The following TMEM135 variants were observed in gnomAD, a reference collection of about 807,000 sequenced individuals.
TMEM135 encodes peroxisomal membrane protein 52.
TMEM135 carries 30 observed loss-of-function variants against 60.3 expected under a neutral mutation model. The observed-to-expected ratio is 0.50, with a 90% confidence interval of 0.37 to 0.68. TMEM135 has a LOEUF of 0.68. Among genes scored for constraint, TMEM135 ranks in the 30% least tolerant of loss-of-function variants. TMEM135 has a pLI of 0.00. For missense variants in TMEM135, 468 were observed against 548.8 expected, an observed-to-expected ratio of 0.85 and a Z score of 1.47; for synonymous variants, 190 against 186.7, an observed-to-expected ratio of 1.02 and a Z score of -0.14.
At chr11:87,230,423 C>A (rs1940866093) in intron 5 of TMEM135, among the ~76,000 whole-genome samples, 1 of 151,970 alleles carries the variant, frequency 6.6e-6, no homozygotes, top group Non-Finnish European at 1.5e-5. Context: ...GAAATTTTTT[C>A]AAGTTAAAAA....
At chr11:87,158,483 A>G (rs1176947959) in intron 5 of TMEM135, among the ~76,000 whole-genome samples, 1 of 145,142 alleles carries the variant, frequency 6.9e-6, no homozygotes, top group African/African-American at 2.6e-5. Context: ...TTTTTTTGAG[A>G]CAGAGTCTCA....
rs111462945 is a variant in TMEM135, at chr11:87,325,396, A to AT, written c.*4067dup. 2.4e-5 allele frequency: 11 copies of AT among 453,928 alleles called. 1 individual carries two copies. Among genetic ancestry groups the AT allele is most frequent in the African/African-American group, 4.0e-5 (2 of 49,976 alleles). 28.1% of individuals were successfully genotyped at this position (453,928 alleles called of 1,614,324 possible). A position where few individuals can be genotyped will look rare whatever the true frequency, so the allele number is the denominator to read the frequency against. ...GCTGTGGTGAATAAGAATGTGTGCT[A>AT]TTTTACACACAGAAGAAAATGATTG... On this transcript the variant is annotated 3_prime_UTR_variant, in exon 15 of 15. Transcript: ENST00000305494.
At chr11:87,284,654 AT>A (rs1256659092) in intron 6 of TMEM135, among the ~76,000 whole-genome samples, 3 of 152,234 alleles carry the variant, frequency 2.0e-5, no homozygotes, top group Non-Finnish European at 4.4e-5. Context: ...ACTGTGAAAT[AT>A]TTATCAGAAT....
Position 87,325,493 on chromosome 11 carries a change from T to TC in TMEM135, c.*4161dup. 2.2e-6 allele frequency: 1 copy of TC among 453,770 alleles called. No homozygotes were observed. Among genetic ancestry groups the TC allele is most frequent in the East Asian group, 7.0e-5 (1 of 14,380 alleles). 28.1% of individuals were successfully genotyped at this position (453,770 alleles called of 1,614,324 possible). ...TTCTGTTGCTGTTTTATGTGGGCTC[T>TC]CTCTCTCTCCCTCTCTCTCTCTCTC... On this transcript the variant is annotated 3_prime_UTR_variant, in exon 15 of 15. Coordinates refer to ENST00000305494, the MANE Select transcript of TMEM135 (RefSeq NM_022918.4).
At chr11:87,069,384 G>T (rs929664000) in intron 2 of TMEM135, among the ~76,000 whole-genome samples, 5 of 149,050 alleles carry the variant, frequency 3.4e-5, no homozygotes, top group African/African-American at 7.4e-5. Flanking sequence ...GCATCTTTAT[G>T]TTCTATGAAC....
chr11:87,208,755 A>G (rs567222950), intron 5 of TMEM135, among the ~76,000 whole-genome samples: 3 of 152,348 alleles, frequency 2.0e-5, no homozygotes, highest in East Asian at 1.9e-4. Context: ...TCTCCAAGAC[A>G]TATAGTCATC....
At chr11:87,262,244 A>G (rs764356728) in intron 6 of TMEM135, among the ~76,000 whole-genome samples, 2 of 152,130 alleles carry the variant, frequency 1.3e-5, no homozygotes, top group African/African-American at 2.4e-5. Context: ...TATATTATTG[A>G]TAGGTTAGAT....
intron 6 of TMEM135, among the ~76,000 whole-genome samples, chr11:87,241,629 A>C (rs778643503): frequency 1.3e-5 from 2 of 152,008 alleles, no homozygotes; most frequent in African/African-American, 4.8e-5. Context: ...TTTTGTACTC[A>C]TTAACAAACT....
chr11:87,147,394 C>G (rs1256160848), intron 4 of TMEM135, among the ~76,000 whole-genome samples: 1 of 152,178 alleles, frequency 6.6e-6, no homozygotes, highest in Non-Finnish European at 1.5e-5. Context: ...GAGAAGGAGT[C>G]TCTGAATATT....
chr11:87,128,247 G>C (rs558092833), intron 4 of TMEM135, among the ~76,000 whole-genome samples: 3 of 152,270 alleles, frequency 2.0e-5, no homozygotes, highest in African/African-American at 7.2e-5. Flanking sequence ...AATTGTGCCT[G>C]TATATGCATG....
chr11:87,318,112 C>T (rs750663599), intron 12 of TMEM135, 25 bp from the exon 13 acceptor site: 2 of 1,581,500 alleles, frequency 1.3e-6, no homozygotes, highest in African/African-American at 2.7e-5. Context: ...TTCTTTATAA[C>T]TCTTGTCTTA....
chr11:87,115,134 A>G (rs1857846516), intron 4 of TMEM135, among the ~76,000 whole-genome samples: 1 of 151,500 alleles, frequency 6.6e-6, no homozygotes, highest in Non-Finnish European at 1.5e-5. Context: ...TAGATTTAAA[A>G]TTATATCAAA....
At chr11:87,067,939 T>C (rs765519566) in intron 2 of TMEM135, 118 bp downstream of exon 2, 35 of 1,265,164 alleles carry the variant, frequency 2.8e-5, no homozygotes, top group Non-Finnish European at 3.8e-5. Context: ...TTTTTTAATC[T>C]GTGAAGTGAC....
chr11:87,277,282 C>T (rs1282017985), intron 6 of TMEM135: 1 of 384,768 alleles, frequency 2.6e-6, no homozygotes, highest in South Asian at 1.8e-5. Flanking sequence ...CAGATTTGTG[C>T]CACCATGCCT....
intron 6 of TMEM135, among the ~76,000 whole-genome samples, chr11:87,268,169 C>CTTTTCTTTTCT (rs1554982587): frequency 5.4e-5 from 6 of 110,562 alleles, no homozygotes; most frequent in African/African-American, 1.8e-4. Flanking sequence ...CTTTCCTTTC[C>CTTTTCTTTTCT]TTTCTTTTCT....
intron 4 of TMEM135, among the ~76,000 whole-genome samples, chr11:87,125,655 A>G (rs1937705727): frequency 6.6e-6 from 1 of 152,204 alleles, no homozygotes; most frequent in Non-Finnish European, 1.5e-5. Flanking sequence ...TTTAAGTGTA[A>G]TAGAAAACCA....
intron 1 of TMEM135, among the ~76,000 whole-genome samples, chr11:87,040,649 CA>C (rs1405316573): frequency 2.3e-5 from 3 of 132,316 alleles, no homozygotes; most frequent in Admixed American, 2.3e-4. Flanking sequence ...GAAACAAGAG[CA>C]AAACTCCATC....
intron 4 of TMEM135, among the ~76,000 whole-genome samples, chr11:87,128,501 C>A (rs1441231758): frequency 6.6e-6 from 1 of 152,038 alleles, no homozygotes; most frequent in Non-Finnish European, 1.5e-5. Flanking sequence ...TGAGTTACTG[C>A]TATATGTATG....
At chr11:87,282,334 G>A (rs1165939984) in intron 6 of TMEM135, among the ~76,000 whole-genome samples, 1 of 151,816 alleles carries the variant, frequency 6.6e-6, no homozygotes, top group Non-Finnish European at 1.5e-5. Context: ...ATGCAATCTC[G>A]GCTCACTGCA....
Sources: allele counts gnomAD v4.1 joint callset (sites outside exome capture counted in the v4.1 genomes callset), GRCh38; gene constraint gnomAD v4.1.1; transcripts MANE v1.5; gene names NCBI Gene and HGNC (gene_info 2026-07-23, HGNC 2026-07-21).